Variants in SATB2 observed in about 807,000 individuals in gnomAD.
SATB2 encodes DNA-binding protein SATB2.
In SATB2, 1 loss-of-function variant was observed where a neutral mutation model predicts 73.4. The observed-to-expected ratio is 0.01, with a 90% CI of 0.00 to 0.06. The LOEUF (loss-of-function observed/expected upper bound fraction) is 0.06. Among genes scored for constraint, SATB2 ranks in the 10% least tolerant of loss-of-function variants. SATB2 has a pLI of 1.00. For synonymous variants in SATB2, 397 were observed against 367.0 expected, an observed-to-expected ratio of 1.08 and a Z score of -0.93; for missense variants, 459 against 945.8, an observed-to-expected ratio of 0.49 and a Z score of 6.75.
chr2:199,345,551 G>A (rs1280578005), intron 7 of SATB2, among the ~76,000 whole-genome samples: 1 of 151,880 alleles, frequency 6.6e-6, no homozygotes, highest in Non-Finnish European at 1.5e-5. Context: ...CTCTTTCCAT[G>A]TCTTCCTGGA....
chr2:199,335,388 A>G (rs1205897938), intron 7 of SATB2, among the ~76,000 whole-genome samples: 2 of 152,192 alleles, frequency 1.3e-5, no homozygotes, highest in Admixed American at 1.3e-4. Flanking sequence ...GCACTAAAAG[A>G]CTAGGTATAC....
chr2:199,324,747 T>C (rs1363337239), intron 8 of SATB2, among the ~76,000 whole-genome samples: 1 of 152,130 alleles, frequency 6.6e-6, no homozygotes, highest in Non-Finnish European at 1.5e-5. Flanking sequence ...AAGACGGTCA[T>C]AACATTTACT....
chr2:199,298,004 C>T (rs7605111), intron 10 of SATB2, among the ~76,000 whole-genome samples: 110,475 of 151,990 alleles, frequency 0.73, 41,462 homozygotes, highest in South Asian at 0.85. Flanking sequence ...CTTAAAACAA[C>T]TGTACTACAT....
In SATB2 at chr2:199,388,174, G is replaced by T. The variant is rs114368538; in HGVS notation, c.347-6354C>A. Among the ~76,000 whole-genome samples, 932 of 152,278 alleles carry T rather than the reference G, an allele frequency of 6.1e-3. 8 individuals carry two copies. The highest frequency in any genetic ancestry group is 0.021 in the African/African-American group (871 of 41,554). Reference sequence around the variant, plus strand: ...ATACATTATAATCAATGAGCCATTAGAAGTGTTTGTATTAAGCATGAAGCA... The same window carrying T: ...ATACATTATAATCAATGAGCCATTATAAGTGTTTGTATTAAGCATGAAGCA... On this transcript the variant is annotated intron_variant, in intron 3 of 10. Transcript: ENST00000417098.
chr2:199,328,577 G>C, intron 8 of SATB2, 121 bp downstream of exon 8: 1 of 692,384 alleles, frequency 1.4e-6, no homozygotes, highest in Non-Finnish European at 2.4e-6. Context: ...AATAAGAAAA[G>C]AAAAAAAGGA....
At chr2:199,319,195 T>A (rs1272914200) in intron 9 of SATB2, among the ~76,000 whole-genome samples, 1 of 152,130 alleles carries the variant, frequency 6.6e-6, no homozygotes, top group Non-Finnish European at 1.5e-5. Flanking sequence ...TACAATGGGA[T>A]CACAATTATG....
rs1256650428 is a variant in SATB2 at position 199,271,490 on chromosome 2, T to C, written c.*721A>G. Reference sequence around the variant, plus strand: ...ACTTCACTTTTTTTTTTTTCGGCAGTGTCGTTTATTTTGTTAAATACATAC... The same window carrying C: ...ACTTCACTTTTTTTTTTTTCGGCAGCGTCGTTTATTTTGTTAAATACATAC... On this transcript the variant is annotated 3_prime_UTR_variant, in exon 11 of 11. Coordinates refer to ENST00000417098, the MANE Select transcript of SATB2 (RefSeq NM_001172509.2). 1 of 151,710 alleles carries C rather than the reference T, an allele frequency of 6.6e-6. No individual in the cohort carries two copies. The highest frequency in any genetic ancestry group is 1.5e-5 in the Non-Finnish European group (1 of 67,842). 9.4% of individuals were successfully genotyped at this position (151,710 alleles called of 1,614,324 possible).
chr2:199,302,593 GTGGGGATTCAAAACTC>G (rs2105759669), intron 10 of SATB2, among the ~76,000 whole-genome samples: 2 of 152,290 alleles, frequency 1.3e-5, no homozygotes, highest in South Asian at 4.1e-4. Context: ...CAGGACTAGA[GTGGGGATTCAAAACTC>G]TGGAGCCACA....
chr2:199,388,007 T>A (rs1690011804), intron 3 of SATB2, among the ~76,000 whole-genome samples: 1 of 152,232 alleles, frequency 6.6e-6, no homozygotes, highest in Admixed American at 6.5e-5. Flanking sequence ...TCTCAGTAAA[T>A]GCATAATTCA....
rs574109039 is a variant in SATB2, at chr2:199,352,260, G to A, written c.701-3087C>T. Among the ~76,000 whole-genome samples, 18 of 152,078 alleles carry A rather than the reference G, an allele frequency of 1.2e-4. No individual in the cohort carries two copies. The South Asian group carries it at 3.7e-3, about 32-fold the overall frequency. ...CCAAACATTAATTTTCCAAAATTTTGGTATTTTCATTTTTCAACAATTTAA... is the reference window on the plus strand; with the variant it reads ...CCAAACATTAATTTTCCAAAATTTTAGTATTTTCATTTTTCAACAATTTAA... On this transcript the variant is annotated intron_variant, in intron 6 of 10. Coordinates refer to ENST00000417098, the MANE Select transcript of SATB2 (RefSeq NM_001172509.2).
chr2:199,469,012 G>A (rs1692650492), upstream of SATB2: 1 of 152,284 alleles, frequency 6.6e-6, no homozygotes, highest in East Asian at 1.9e-4. Flanking sequence ...CGGGCGTCTC[G>A]AAGGGACTGG....
intron 5 of SATB2, among the ~76,000 whole-genome samples, chr2:199,376,097 A>G (rs930729713): frequency 5.3e-5 from 8 of 152,222 alleles, no homozygotes; most frequent in Non-Finnish European, 7.3e-5. Context: ...TAATGGCTGT[A>G]GGATGAATGC....
At chr2:199,433,537 C>T in intron 2 of SATB2, 23 bp from the exon 3 acceptor site, 1 of 1,610,936 alleles carries the variant, frequency 6.2e-7, no homozygotes, top group African/African-American at 1.3e-5. Context: ...AATTCAAGAG[C>T]AAAACACAAA....
intron 10 of SATB2, among the ~76,000 whole-genome samples, chr2:199,287,684 T>G (rs960823335): frequency 1.3e-5 from 2 of 152,186 alleles, no homozygotes; most frequent in Non-Finnish European, 2.9e-5. Context: ...GATTTACACA[T>G]AGATTATTTA....
At chr2:199,422,485 T>C (rs1277626238) in intron 3 of SATB2, among the ~76,000 whole-genome samples, 1 of 152,088 alleles carries the variant, frequency 6.6e-6, no homozygotes, top group African/African-American at 2.4e-5. Flanking sequence ...CAAAACAAGC[T>C]CCCCACTCAA....
chr2:199,462,990 G>T lies in SATB2; in HGVS notation c.-141+1846C>A, dbSNP rs1353629027. The stretch of plus-strand genomic sequence containing the variant: ...GGGCTTCCCGGGGTAGGAGATGGGC[G>T]TCGGGTGTGGGCACTGCCTGCCCTG... On this transcript the variant is annotated intron_variant, in intron 1 of 11. Transcript: ENST00000260926. This position sits in a 1 kb window ranked among gnomAD's most constrained non-coding sequence, Gnocchi z 5.9. Among the ~76,000 whole-genome samples, 1 of 152,196 alleles carries T rather than the reference G, an allele frequency of 6.6e-6. No homozygotes were observed. Among genetic ancestry groups the T allele is most frequent in the East Asian group, 1.9e-4 (1 of 5,174 alleles).
intron 7 of SATB2, among the ~76,000 whole-genome samples, chr2:199,337,638 A>G (rs984937077): frequency 1.3e-5 from 2 of 152,328 alleles, no homozygotes; most frequent in Non-Finnish European, 2.9e-5. Flanking sequence ...GTACCAGCTC[A>G]TGATGTAAAA....
In SATB2 at chr2:199,284,072, C is replaced by T. The variant is rs1357430197; in HGVS notation, c.1741-11400G>A. Among the ~76,000 whole-genome samples the T allele has an allele frequency of 2.0e-5, 3 of 152,202 alleles. No individual in the cohort carries two copies. In the East Asian group the frequency reaches 5.8e-4, roughly 29 times the overall value. On this transcript the variant is annotated intron_variant, in intron 10 of 10. Coordinates refer to ENST00000417098, the MANE Select transcript of SATB2 (RefSeq NM_001172509.2). ...TCACTCCAGGAAAAATATCTGACAGCATTTGTTGCCAATTATACCTTTTAA... is the reference window on the plus strand; with the variant it reads ...TCACTCCAGGAAAAATATCTGACAGTATTTGTTGCCAATTATACCTTTTAA...
chr2:199,387,301 T>G (rs577860973), intron 3 of SATB2, among the ~76,000 whole-genome samples: 6 of 152,256 alleles, frequency 3.9e-5, no homozygotes, highest in Admixed American at 3.3e-4. Flanking sequence ...ACCACACAAA[T>G]GGGCCCCTGG....
Sources: gnomAD v4.1 joint callset for allele counts (sites outside exome capture counted in the v4.1 genomes callset) on GRCh38, gnomAD v4.1.1 for gene constraint, Gnocchi (gnomAD v3.1) non-coding constraint, MANE v1.5 for transcripts, NCBI Gene and HGNC (gene_info 2026-07-23, HGNC 2026-07-21) for gene names.